Variants in FAM177B observed in about 807,000 individuals in gnomAD.
The protein encoded by FAM177B is family with sequence similarity 177 member B, also known as protein FAM177B.
In FAM177B, 16 loss-of-function variants were observed where a neutral mutation model predicts 16.1. The ratio of observed to expected loss-of-function variants is 0.99; its 90% confidence interval spans 0.67 to 1.51. The LOEUF (loss-of-function observed/expected upper bound fraction) is 1.51, where lower values mean the gene tolerates loss of function less well. FAM177B is among the 40% of genes most tolerant of loss of function. The probability of loss-of-function intolerance (pLI) is 0.00; values close to 1 mark genes in which losing one functional copy is unlikely to be tolerated. For missense variants in FAM177B, 178 were observed against 183.7 expected (o/e 0.97, Z 0.18); for synonymous variants, 56 against 59.9 (o/e 0.93, Z 0.30).
At chr1:222,741,338 A>G (rs1250095384) in intron 2 of FAM177B, among the ~76,000 whole-genome samples, 1 of 152,064 alleles carries the variant, frequency 6.6e-6, no homozygotes. Flanking sequence ...TGCTGGGATT[A>G]TAGGCATGAG....
chr1:222,741,093 C>G (rs1281287988), intron 2 of FAM177B, among the ~76,000 whole-genome samples: 1 of 95,374 alleles, frequency 1.0e-5, no homozygotes, highest in Non-Finnish European at 1.9e-5. Flanking sequence ...CAGTCTTAAT[C>G]TGTCACCCAG....
At chr1:222,746,942 C>A (rs1658826483) in intron 3 of FAM177B, 73 bp from the exon 4 acceptor site, 1 of 1,065,784 alleles carries the variant, frequency 9.4e-7, no homozygotes, top group Non-Finnish European at 1.5e-6. Flanking sequence ...ATTTTGAAAT[C>A]TCTACATTAA....
At position 222,741,161 on chromosome 1, in the gene FAM177B, C is replaced by T. The variant is rs1429664420; in HGVS notation, c.-16+3140C>T. On this transcript the variant is annotated intron_variant, in intron 2 of 5. Transcript: ENST00000445590. ...GCAACCTCCACCTCCTGGGTTCAAG[C>T]GATCCTCCCACCTCAGACTCCTGAG... 6.4e-5 allele frequency among the ~76,000 whole-genome samples: 9 copies of T among 141,190 alleles called. No individual in the cohort carries two copies. The South Asian group carries it at 1.4e-3, about 21-fold the overall frequency. The allele number at this position is 141,190 out of a possible 152,430, so 92.6% of individuals were successfully genotyped here.
rs943568297 is a variant in FAM177B, at chr1:222,750,533, C to A, written c.*475C>A. 3.0e-6 allele frequency: 3 copies of A among 985,066 alleles called. No homozygotes were observed. Among genetic ancestry groups the A allele is most frequent in the Non-Finnish European group, 3.6e-6 (3 of 829,636 alleles). The allele number at this position is 985,066 out of a possible 1,614,324, so 61.0% of individuals were successfully genotyped here. A position where few individuals can be genotyped will look rare whatever the true frequency, so the allele number is the denominator to read the frequency against. ...TGTGTACTTCCAACAACCATCCTGG[C>A]GTAGTTGGGGATTGTTTTACAATAA... On this transcript the variant is annotated 3_prime_UTR_variant, in exon 6 of 6. Transcript: ENST00000445590.
At chr1:222,742,908 G>A (rs986180004) in intron 2 of FAM177B, among the ~76,000 whole-genome samples, 2 of 152,072 alleles carry the variant, frequency 1.3e-5, no homozygotes, top group African/African-American at 4.8e-5. Context: ...TGGGGCAAAA[G>A]TAATTGCGGT....
chr1:222,746,152 A>G (rs1345384166), intron 2 of FAM177B, among the ~76,000 whole-genome samples: 1 of 152,200 alleles, frequency 6.6e-6, no homozygotes, highest in Non-Finnish European at 1.5e-5. Flanking sequence ...TACTTTGCAC[A>G]TGTTTTCTCC....
At chr1:222,741,041 TCTTA>T (rs1314310330) in intron 2 of FAM177B, among the ~76,000 whole-genome samples, 3 of 147,600 alleles carry the variant, frequency 2.0e-5, no homozygotes, top group Non-Finnish European at 3.0e-5. Context: ...ATTTATTGCA[TCTTA>T]CTTTTTGTTT....
chr1:222,744,328 C>T (rs922292838), intron 2 of FAM177B, among the ~76,000 whole-genome samples: 6 of 151,782 alleles, frequency 4.0e-5, no homozygotes, highest in African/African-American at 7.3e-5. Context: ...AAAAGTTAGC[C>T]GGGGGTGGTG....
Position 222,750,284 on chromosome 1 carries a change from T to C in FAM177B, c.*226T>C. ...TTTTGGACACTTTCTCAGAATAATT[T>C]CTATATTCAAGCCACCCCACCTCAA... is the stretch of plus-strand genomic sequence containing the variant. On this transcript the variant is annotated 3_prime_UTR_variant, in exon 6 of 6. Transcript: ENST00000445590. 3 of 1,342,070 alleles carry C rather than the reference T, an allele frequency of 2.2e-6. No individual in the cohort carries two copies. The South Asian group carries it at 5.9e-5, about 27-fold the overall frequency. The allele number at this position is 1,342,070 out of a possible 1,614,324, so 83.1% of individuals were successfully genotyped here.
chr1:222,746,503 C>G, intron 2 of FAM177B, 28 bp from the exon 3 acceptor site: 8 of 1,411,556 alleles, frequency 5.7e-6, no homozygotes, highest in Non-Finnish European at 7.8e-6. Context: ...GTAACTTGCC[C>G]TAAGGTGCCC....
chr1:222,750,575 A>G lies in FAM177B; in HGVS notation c.*517A>G, dbSNP rs755645336. On this transcript the variant is annotated 3_prime_UTR_variant, in exon 6 of 6. Coordinates refer to ENST00000445590, the MANE Select transcript of FAM177B (RefSeq NM_001394345.1). Reference sequence around the variant, plus strand: ...TTACAATAAGTAAACATTGCTAATAACTGTGTTACAAGATCATTATCAAGA... The same window carrying G: ...TTACAATAAGTAAACATTGCTAATAGCTGTGTTACAAGATCATTATCAAGA... The G allele has an allele frequency of 5.1e-6, 5 of 975,232 alleles. No homozygotes were observed. Among genetic ancestry groups the G allele is most frequent in the African/African-American group, 1.8e-5 (1 of 57,044 alleles). 60.4% of individuals were successfully genotyped at this position (975,232 alleles called of 1,614,324 possible).
At chr1:222,749,758 G>A (rs1034527968) in intron 5 of FAM177B, among the ~76,000 whole-genome samples, 163 bp from the exon 6 acceptor site, 9 of 152,184 alleles carry the variant, frequency 5.9e-5, no homozygotes, top group Admixed American at 3.3e-4. Context: ...TCACTCCTGC[G>A]AAGTTAGGAT....
intron 2 of FAM177B, among the ~76,000 whole-genome samples, chr1:222,740,316 T>A (rs545345963): frequency 2.6e-5 from 4 of 152,204 alleles, no homozygotes; most frequent in Non-Finnish European, 5.9e-5. Context: ...TAAAATTCGA[T>A]CTTCTAGTCT....
intron 2 of FAM177B, among the ~76,000 whole-genome samples, chr1:222,746,280 A>C (rs148326550): frequency 1.3e-5 from 2 of 152,324 alleles, no homozygotes; most frequent in East Asian, 3.9e-4. Flanking sequence ...TGTGTGTTTT[A>C]ACGTTAACAA....
At chr1:222,741,627 G>T (rs1466688070) in intron 2 of FAM177B, among the ~76,000 whole-genome samples, 1 of 150,934 alleles carries the variant, frequency 6.6e-6, no homozygotes, top group African/African-American at 2.4e-5. Context: ...CAAACTCCCA[G>T]ACTCAAGCAA....
At chr1:222,741,823 CTTTT>C (rs887744331) in intron 2 of FAM177B, among the ~76,000 whole-genome samples, 20 of 137,552 alleles carry the variant, frequency 1.5e-4, no homozygotes, top group Non-Finnish European at 3.1e-5. Flanking sequence ...TTCTTTCTTT[CTTTT>C]TTCTTTCTTT....
chr1:222,741,300 G>A (rs1658522367), intron 2 of FAM177B, among the ~76,000 whole-genome samples: 2 of 151,900 alleles, frequency 1.3e-5, no homozygotes. Flanking sequence ...CTGGCCTCAA[G>A]TGATCCACCA....
At chr1:222,738,070 C>G (rs1425819886) in intron 2 of FAM177B, 49 bp downstream of exon 2, 1 of 152,138 alleles carries the variant, frequency 6.6e-6, no homozygotes, top group Non-Finnish European at 1.5e-5. Flanking sequence ...GAGAGTTGCA[C>G]TGAAAGCATG....
rs779824054 is a variant in FAM177B, at chr1:222,747,043, G to C, written c.203G>C (p.Arg68Pro). ...PSKLSWGPYL[R>P]FWAGRIASTS... ...AAACTTTCCTGGGGGCCCTACCTACGATTTTGGGCAGGACGAATAGCAAGC... is the reference window on the plus strand; with the variant it reads ...AAACTTTCCTGGGGGCCCTACCTACCATTTTGGGCAGGACGAATAGCAAGC... Residue 68 changes from arginine to proline, a missense_variant, in exon 4 of 6, where the codon CGA (arginine) becomes CCA (proline). Transcript: ENST00000445590. 2.5e-6 allele frequency: 4 copies of C among 1,612,246 alleles called. No individual in the cohort carries two copies. Among genetic ancestry groups the C allele is most frequent in the Non-Finnish European group, 3.4e-6 (4 of 1,178,524 alleles).
Sources: allele counts gnomAD v4.1 joint callset (sites outside exome capture counted in the v4.1 genomes callset), GRCh38; gene constraint gnomAD v4.1.1; transcripts MANE v1.5; gene names NCBI Gene and HGNC (gene_info 2026-07-23, HGNC 2026-07-21).